The following SPAG16 variants were observed in gnomAD, a reference collection of about 807,000 sequenced individuals.
SPAG16 encodes sperm associated antigen 16.
A neutral mutation model predicts 80.4 loss-of-function variants in SPAG16; 86 were observed. The observed-to-expected ratio is 1.07, with a 90% CI of 0.90 to 1.28. The LOEUF (loss-of-function observed/expected upper bound fraction) is 1.28, where lower values mean the gene tolerates loss of function less well. SPAG16 is among the 50% of genes most tolerant of loss of function. The probability of loss-of-function intolerance (pLI) is 0.00; values close to 1 mark genes in which losing one functional copy is unlikely to be tolerated. For missense variants in SPAG16, 870 were observed against 765.3 expected (o/e 1.14, Z -1.61); for synonymous variants, 294 against 265.9 (o/e 1.11, Z -1.03).
At chr2:213,414,044 C>A (rs1213605746) in intron 9 of SPAG16, among the ~76,000 whole-genome samples, 19 of 152,140 alleles carry the variant, frequency 1.2e-4, no homozygotes, top group Admixed American at 1.2e-3. Flanking sequence ...ATTGTGCTTT[C>A]CCATTTCATT....
chr2:214,249,196 A>G (rs756266019), intron 15 of SPAG16, among the ~76,000 whole-genome samples: 1 of 152,198 alleles, frequency 6.6e-6, no homozygotes, highest in Non-Finnish European at 1.5e-5. Context: ...AAAAACTACC[A>G]GAAAATTCAG....
chr2:214,180,910 A>G (rs1221823608), intron 15 of SPAG16, among the ~76,000 whole-genome samples: 1 of 151,662 alleles, frequency 6.6e-6, no homozygotes, highest in Admixed American at 6.6e-5. Context: ...CCAACCTGGG[A>G]TCATTTTGGG....
In SPAG16 at chr2:213,317,215, C is replaced by T. The variant is rs1474050801; in HGVS notation, c.399-4C>T. 1.1e-5 allele frequency: 17 copies of T among 1,548,750 alleles called. No individual in the cohort carries two copies. The South Asian group carries it at 2.1e-4, about 19-fold the overall frequency. On this transcript the variant is annotated splice_polypyrimidine_tract_variant and splice_region_variant and intron_variant, in intron 4 of 15. Transcript: ENST00000331683. ...ATAAACCCTTTTGTTTGATTTTATC[C>T]TAGGTATGAGTTAATACAGAAAGGA...
At chr2:214,356,380 A>G (rs1698803917) in intron 15 of SPAG16, among the ~76,000 whole-genome samples, 1 of 151,140 alleles carries the variant, frequency 6.6e-6, no homozygotes, top group Non-Finnish European at 1.5e-5. Flanking sequence ...AATTGACACA[A>G]TATGGAAGAC....
At chr2:213,812,839 C>T (rs2072258758) in intron 10 of SPAG16, among the ~76,000 whole-genome samples, 2 of 151,400 alleles carry the variant, frequency 1.3e-5, no homozygotes, top group South Asian at 4.2e-4. Context: ...TGTTTCTTTG[C>T]TTTGATGCAT....
At chr2:214,152,256 A>G (rs1448130236) in intron 15 of SPAG16, among the ~76,000 whole-genome samples, 1 of 152,202 alleles carries the variant, frequency 6.6e-6, no homozygotes, top group East Asian at 1.9e-4. Flanking sequence ...ATAGTACCTT[A>G]TCTGTCTTAA....
At chr2:213,718,575 C>T (rs557845157) in intron 10 of SPAG16, among the ~76,000 whole-genome samples, 4 of 152,318 alleles carry the variant, frequency 2.6e-5, no homozygotes, top group Non-Finnish European at 4.4e-5. Context: ...TGGTGGGCCC[C>T]GCACTGGAAG....
chr2:214,263,466 G>T (rs929318410), intron 15 of SPAG16, among the ~76,000 whole-genome samples: 4 of 152,066 alleles, frequency 2.6e-5, no homozygotes, highest in Admixed American at 2.0e-4. Flanking sequence ...TCAGTCTTGC[G>T]ATTTCAGAGT....
chr2:213,776,916 C>T (rs2069625183), intron 10 of SPAG16, among the ~76,000 whole-genome samples: 1 of 134,708 alleles, frequency 7.4e-6, no homozygotes, highest in African/African-American at 2.8e-5. Flanking sequence ...CAAAAAATTT[C>T]ATAAGAAGGA....
chr2:213,591,750 A>G (rs896995459), intron 10 of SPAG16, among the ~76,000 whole-genome samples: 5 of 152,138 alleles, frequency 3.3e-5, no homozygotes. Context: ...AATTGCTAAG[A>G]AGAAACATGA....
intron 15 of SPAG16, among the ~76,000 whole-genome samples, chr2:214,382,333 G>A (rs1417655679): frequency 6.6e-6 from 1 of 152,194 alleles, no homozygotes; most frequent in Non-Finnish European, 1.5e-5. Context: ...TAACTTCACT[G>A]TGAAGAAATG....
chr2:213,816,060 A>G (rs2072513353), intron 10 of SPAG16, among the ~76,000 whole-genome samples: 1 of 152,192 alleles, frequency 6.6e-6, no homozygotes, highest in Admixed American at 6.5e-5. Flanking sequence ...AGATCAAGAA[A>G]CAAAACATTG....
intron 10 of SPAG16, among the ~76,000 whole-genome samples, chr2:213,504,618 T>G (rs1009521750): frequency 6.6e-6 from 1 of 152,066 alleles, no homozygotes; most frequent in African/African-American, 2.4e-5. Context: ...CCACTTGAAG[T>G]TTGAAAAGGG....
chr2:214,098,656 G>C (rs2052769294), intron 13 of SPAG16, among the ~76,000 whole-genome samples: 1 of 152,060 alleles, frequency 6.6e-6, no homozygotes. Flanking sequence ...CTTTGTTATG[G>C]TAGCTTTAGC....
intron 15 of SPAG16, among the ~76,000 whole-genome samples, chr2:214,347,608 C>T (rs1576842238): frequency 6.6e-6 from 1 of 152,134 alleles, no homozygotes; most frequent in Admixed American, 6.5e-5. Context: ...TTAAAACTCT[C>T]TGCTAGACCA....
chr2:214,043,876 T>G (rs1311276185), intron 13 of SPAG16, among the ~76,000 whole-genome samples: 2 of 152,122 alleles, frequency 1.3e-5, no homozygotes, highest in Non-Finnish European at 2.9e-5. Flanking sequence ...CACTTATATG[T>G]TCATGTAATA....
In SPAG16 at chr2:214,178,872, G is replaced by A. The variant is rs1002502006; in HGVS notation, c.1720+29606G>A. On this transcript the variant is annotated intron_variant, in intron 15 of 15. Transcript: ENST00000331683. ...AGTGTTTATTATATATAGTATGCAT[G>A]CAAATAATATATAGTTTATTATATA... 2.0e-5 allele frequency among the ~76,000 whole-genome samples: 3 copies of A among 151,124 alleles called. No individual in the cohort carries two copies. The Admixed American group carries it at 2.0e-4, about 10-fold the overall frequency.
chr2:213,741,134 T>C (rs918817064), intron 10 of SPAG16, among the ~76,000 whole-genome samples: 7 of 152,178 alleles, frequency 4.6e-5, no homozygotes, highest in African/African-American at 1.4e-4. Context: ...GAAATCTTAT[T>C]AATCTTTATT....
chr2:213,810,403 G>A (rs769937246), intron 10 of SPAG16, among the ~76,000 whole-genome samples: 21 of 152,102 alleles, frequency 1.4e-4, no homozygotes, highest in Non-Finnish European at 2.6e-4. Context: ...AAATTCAAAT[G>A]ATTGTAGTGG....
Sources: allele counts gnomAD v4.1 joint callset (sites outside exome capture counted in the v4.1 genomes callset), GRCh38; gene constraint gnomAD v4.1.1; transcripts MANE v1.5; gene names NCBI Gene and HGNC (gene_info 2026-07-23, HGNC 2026-07-21).